The following SUPT3H variants were observed in gnomAD, a reference collection of about 807,000 sequenced individuals.
The protein encoded by SUPT3H is SPT3 homolog, SAGA and STAGA complex component.
In SUPT3H, 44 loss-of-function variants were observed where a neutral mutation model predicts 44.3. The observed-to-expected ratio is 0.99, with a 90% CI of 0.78 to 1.28. The LOEUF (loss-of-function observed/expected upper bound fraction) is 1.28. Ranked by LOEUF, SUPT3H falls within the 50% of genes most tolerant of loss-of-function variation. The pLI, the probability that SUPT3H is intolerant of heterozygous loss-of-function variation, is 0.00. For missense variants in SUPT3H, 380 were observed against 387.1 expected, an observed-to-expected ratio of 0.98 and a Z score of 0.15; for synonymous variants, 124 against 125.6, an observed-to-expected ratio of 0.99 and a Z score of 0.09.
At chr6:45,303,042 G>A (rs1343987042) in intron 2 of SUPT3H, among the ~76,000 whole-genome samples, 1 of 152,136 alleles carries the variant, frequency 6.6e-6, no homozygotes, top group Non-Finnish European at 1.5e-5. Context: ...TGAACAAATG[G>A]TGTTGGGATA....
chr6:45,037,699 G>A (rs1417581419), intron 3 of SUPT3H, among the ~76,000 whole-genome samples: 1 of 149,628 alleles, frequency 6.7e-6, no homozygotes, highest in African/African-American at 2.5e-5. Context: ...ATAAAAAAAT[G>A]AAAGAAATAT....
At chr6:45,037,125 T>G (rs948309020) in intron 3 of SUPT3H, among the ~76,000 whole-genome samples, 3 of 151,910 alleles carry the variant, frequency 2.0e-5, no homozygotes, top group Non-Finnish European at 4.4e-5. Context: ...AAAACAAAAT[T>G]ATAAGAAAAT....
At chr6:44,906,973 G>C (rs775318436) in intron 10 of SUPT3H, among the ~76,000 whole-genome samples, 2 of 152,200 alleles carry the variant, frequency 1.3e-5, no homozygotes, top group Non-Finnish European at 2.9e-5. Context: ...GTGGAATGTA[G>C]ACGGACACAA....
chr6:44,984,750 T>A (rs1779548283), intron 6 of SUPT3H, among the ~76,000 whole-genome samples: 1 of 152,156 alleles, frequency 6.6e-6, no homozygotes, highest in Non-Finnish European at 1.5e-5. Context: ...CACACTTAAT[T>A]AATATACATG....
At position 45,043,103 on chromosome 6, in the gene SUPT3H, G is replaced by A. The variant is rs1283565207; in HGVS notation, c.187-22471C>T. On this transcript the variant is annotated intron_variant, in intron 3 of 10. Coordinates refer to ENST00000371459, the MANE Select transcript of SUPT3H (RefSeq NM_003599.4). Reference sequence around the variant, plus strand: ...GGTTATTTGAACTATCCCATAAGAAGTACACTTTTCTGGGAGCCTTGTATC... The same window carrying A: ...GGTTATTTGAACTATCCCATAAGAAATACACTTTTCTGGGAGCCTTGTATC... 2.0e-5 allele frequency among the ~76,000 whole-genome samples: 3 copies of A among 148,860 alleles called. No homozygotes were observed. The East Asian group carries it at 6.0e-4, about 30-fold the overall frequency.
chr6:45,172,315 C>T (rs1034822917), intron 2 of SUPT3H, among the ~76,000 whole-genome samples: 26 of 149,006 alleles, frequency 1.7e-4, no homozygotes, highest in African/African-American at 5.4e-4. Context: ...TCATGATCCG[C>T]CCCCCTCGGC....
chr6:45,117,092 T>G (rs901749692), intron 2 of SUPT3H, among the ~76,000 whole-genome samples: 2 of 152,124 alleles, frequency 1.3e-5, no homozygotes, highest in Non-Finnish European at 2.9e-5. Context: ...TTTATATATT[T>G]AGGTCCTACC....
intron 3 of SUPT3H, among the ~76,000 whole-genome samples, chr6:45,047,627 T>C (rs1049740478): frequency 3.9e-5 from 6 of 152,160 alleles, no homozygotes; most frequent in African/African-American, 1.2e-4. Flanking sequence ...GTCTTTATTC[T>C]GATAAGAATA....
chr6:45,230,852 T>C (rs1160407097), intron 2 of SUPT3H, among the ~76,000 whole-genome samples: 4 of 151,376 alleles, frequency 2.6e-5, no homozygotes, highest in East Asian at 3.9e-4. Flanking sequence ...TTTTGTATTT[T>C]AGTAGAGACA....
intron 2 of SUPT3H, among the ~76,000 whole-genome samples, chr6:45,214,363 G>A (rs1016712206): frequency 4.0e-5 from 6 of 151,866 alleles, no homozygotes; most frequent in African/African-American, 1.5e-4. Flanking sequence ...AGTAAAAGCT[G>A]GGGCAAGAAA....
intron 2 of SUPT3H, among the ~76,000 whole-genome samples, chr6:45,193,160 AG>A (rs1562657967): frequency 6.6e-6 from 1 of 152,172 alleles, no homozygotes; most frequent in Non-Finnish European, 1.5e-5. Context: ...TATGTAAAGT[AG>A]GAATAAATGT....
intron 10 of SUPT3H, among the ~76,000 whole-genome samples, chr6:44,848,382 C>T (rs1772272990): frequency 6.6e-6 from 1 of 152,260 alleles, no homozygotes; most frequent in Admixed American, 6.5e-5. Context: ...TTTTAAATAT[C>T]CTGAGACCCA....
chr6:45,120,952 A>G (rs1178070826), intron 2 of SUPT3H, among the ~76,000 whole-genome samples: 1 of 152,204 alleles, frequency 6.6e-6, no homozygotes, highest in African/African-American at 2.4e-5. Context: ...AATAATAAGT[A>G]TAGGTTAACT....
rs552609101 is a variant in SUPT3H at position 45,335,826 on chromosome 6, A to AT, written c.101+29374dup. 3.2e-4 allele frequency among the ~76,000 whole-genome samples: 49 copies of AT among 151,404 alleles called. No homozygotes were observed. The East Asian group carries it at 9.1e-3, about 28-fold the overall frequency. Reference sequence around the variant, plus strand: ...TACAAAAGATAATCTAATAAGATTAATTTTTTTACCTCTCATGAAATCTGT... The same window carrying AT: ...TACAAAAGATAATCTAATAAGATTAATTTTTTTTACCTCTCATGAAATCTGT... On this transcript the variant is annotated intron_variant, in intron 2 of 10. Coordinates refer to ENST00000371459, the MANE Select transcript of SUPT3H (RefSeq NM_003599.4).
At position 44,981,869 on chromosome 6, in the gene SUPT3H, G is replaced by GAA. The variant is rs374909903; in HGVS notation, c.505-20043_505-20042dup. On this transcript the variant is annotated intron_variant, in intron 6 of 10. Transcript: ENST00000371459. ...GTGAAACTCCATCTCTACATGACAT[G>GAA]AAAAAAAAAAAAAAAAGCAAAACTA... Among the ~76,000 whole-genome samples the GAA allele has an allele frequency of 2.9e-3, 380 of 129,040 alleles. 3 individuals are homozygous for GAA. The highest frequency in any genetic ancestry group is 9.0e-3 in the East Asian group (40 of 4,460). The allele number at this position is 129,040 out of a possible 152,430, so 84.7% of individuals were successfully genotyped here. A position where few individuals can be genotyped will look rare whatever the true frequency, so the allele number is the denominator to read the frequency against.
intron 2 of SUPT3H, among the ~76,000 whole-genome samples, chr6:45,312,997 A>G (rs1784195026): frequency 6.6e-6 from 1 of 152,196 alleles, no homozygotes; most frequent in African/African-American, 2.4e-5. Flanking sequence ...CCTCAAAACC[A>G]TGCAAATACA....
At position 45,235,624 on chromosome 6, in the gene SUPT3H, G is replaced by A. The variant is rs73735320; in HGVS notation, c.101+129577C>T. 7.3e-3 allele frequency among the ~76,000 whole-genome samples: 1,106 copies of A among 152,130 alleles called. 19 individuals are homozygous for A. Among genetic ancestry groups the A allele is most frequent in the African/African-American group, 0.025 (1,043 of 41,498 alleles). On this transcript the variant is annotated intron_variant, in intron 2 of 10. Transcript: ENST00000371459. ...TAAGTAAATCAATTTAGGGTCTCAC[G>A]TACTAGGATGGTGAGAAGGTGGAAA...
chr6:45,312,684 G>A (rs1359364758), intron 2 of SUPT3H, among the ~76,000 whole-genome samples: 7 of 13,512 alleles, frequency 5.2e-4, no homozygotes, highest in South Asian at 5.0e-3. Context: ...CAATAATGTG[G>A]GGGGGGGGGG....
chr6:44,938,960 G>A (rs137875081), intron 9 of SUPT3H, among the ~76,000 whole-genome samples: 69 of 152,180 alleles, frequency 4.5e-4, no homozygotes, highest in African/African-American at 1.6e-3. Flanking sequence ...AATTTGAGAG[G>A]TTTTTGGTGG....
Sources: gnomAD v4.1 joint callset for allele counts (sites outside exome capture counted in the v4.1 genomes callset) on GRCh38, gnomAD v4.1.1 for gene constraint, MANE v1.5 for transcripts, NCBI Gene and HGNC (gene_info 2026-07-23, HGNC 2026-07-21) for gene names.